Variants in TEX11 observed in about 807,000 individuals in gnomAD.
TEX11 encodes the protein testis-expressed protein 11.
Under a neutral mutation model 84.4 loss-of-function variants are expected in TEX11, and 7 were observed. That is an observed-to-expected ratio of 0.08 (90% confidence interval 0.05 to 0.16). The LOEUF (loss-of-function observed/expected upper bound fraction) is 0.16, where lower values mean the gene tolerates loss of function less well. TEX11 is among the 10% of genes least tolerant of loss of function. The probability of loss-of-function intolerance (pLI) is 1.00; values close to 1 mark genes in which losing one functional copy is unlikely to be tolerated. For synonymous variants in TEX11, 264 were observed against 222.8 expected (o/e 1.18, Z -1.64); for missense variants, 551 against 660.5 (o/e 0.83, Z 1.82).
At chrX:70,590,314 A>G (rs1486440694) in intron 25 of TEX11, among the ~76,000 whole-genome samples, 1 of 111,819 alleles carries the variant, frequency 8.9e-6, no homozygotes, top group East Asian at 2.8e-4. Flanking sequence ...CTATAATTTG[A>G]TACTCAAACT....
chrX:70,849,737 A>T (rs1003721496), intron 7 of TEX11, among the ~76,000 whole-genome samples: 1 of 112,163 alleles, frequency 8.9e-6, no homozygotes, highest in Non-Finnish European at 1.9e-5. Context: ...CCTTCACCAC[A>T]ACTTCTGAAG....
At chrX:70,722,727 A>G (rs773734018) in intron 12 of TEX11, 31 bp from the exon 13 acceptor site, 2 of 1,077,845 alleles carry the variant, frequency 1.9e-6, no homozygotes, top group Admixed American at 4.6e-5. Flanking sequence ...AATAATTATC[A>G]GTTTAATTTT....
intron 24 of TEX11, 62 bp downstream of exon 24, chrX:70,605,339 G>T: frequency 1.4e-6 from 1 of 736,293 alleles, no homozygotes; most frequent in Non-Finnish European, 2.1e-6. Context: ...CTGCATCAGG[G>T]AAGGCAAACA....
chrX:70,842,871 C>G (rs1389305802), intron 7 of TEX11, among the ~76,000 whole-genome samples: 1 of 111,451 alleles, frequency 9.0e-6, no homozygotes, highest in Admixed American at 9.6e-5. Flanking sequence ...AGTGAACTCC[C>G]ATTCACAATT....
intron 24 of TEX11, among the ~76,000 whole-genome samples, chrX:70,599,847 A>G (rs2089070101): frequency 9.3e-6 from 1 of 107,257 alleles, no homozygotes; most frequent in Non-Finnish European, 1.9e-5. Context: ...AAGGACATGA[A>G]CTCATCATTT....
chrX:70,513,786 G>A, the TEX11 span, among the ~76,000 whole-genome samples: 2 of 108,664 alleles, frequency 1.8e-5, 1 homozygote, highest in African/African-American at 6.8e-5. Flanking sequence ...TTTACCGAGA[G>A]CCGTGTTGAT....
intron 3 of TEX11, among the ~76,000 whole-genome samples, chrX:70,876,842 T>C (rs61263512): frequency 0.2 from 22,379 of 110,213 alleles, 3,109 homozygotes; most frequent in African/African-American, 0.45. Flanking sequence ...CACTTGAGCC[T>C]AGGAGGTCGA....
chrX:70,772,504 G>A (rs1366097897), intron 9 of TEX11, among the ~76,000 whole-genome samples: 1 of 111,120 alleles, frequency 9.0e-6, no homozygotes, highest in Non-Finnish European at 1.9e-5. Context: ...GGGCCTAGGA[G>A]GTTGAGGCTG....
intron 7 of TEX11, among the ~76,000 whole-genome samples, chrX:70,838,161 G>A (rs1156263411): frequency 8.9e-6 from 1 of 111,999 alleles, no homozygotes; most frequent in Non-Finnish European, 1.9e-5. Context: ...GCTCACACCT[G>A]CAATCCCAGT....
intron 25 of TEX11, among the ~76,000 whole-genome samples, chrX:70,556,911 C>T (rs1477571224): frequency 9.1e-6 from 1 of 109,741 alleles, no homozygotes; most frequent in Non-Finnish European, 1.9e-5. Context: ...CAGTAAAATG[C>T]CATTATAACT....
chrX:70,855,986 A>G (rs1305298379), intron 5 of TEX11, among the ~76,000 whole-genome samples: 1 of 111,658 alleles, frequency 9.0e-6, no homozygotes, highest in Non-Finnish European at 1.9e-5. Flanking sequence ...TGGCAGCCCT[A>G]GCAAACCAAT....
intron 9 of TEX11, among the ~76,000 whole-genome samples, chrX:70,776,763 G>C (rs922600808): frequency 9.1e-6 from 1 of 110,448 alleles, no homozygotes; most frequent in Non-Finnish European, 1.9e-5. Flanking sequence ...AAAGGTGTGT[G>C]GGTGGGAGAG....
intron 27 of TEX11, among the ~76,000 whole-genome samples, chrX:70,552,477 G>T (rs988514106): frequency 1.4e-4 from 16 of 110,659 alleles, no homozygotes; most frequent in African/African-American, 5.3e-4. Flanking sequence ...TCTTTTTTTA[G>T]TTTCCTGCAC....
At chrX:70,792,357 TACAC>T (rs1322868836) in intron 9 of TEX11, among the ~76,000 whole-genome samples, 1,384 of 8,686 alleles carry the variant, frequency 0.16, 223 homozygotes, top group East Asian at 0.33. Context: ...TATATATATA[TACAC>T]ACACAAATAT....
At chrX:70,644,873 GTAAC>G (rs2089720438) in intron 17 of TEX11, among the ~76,000 whole-genome samples, 1 of 104,402 alleles carries the variant, frequency 9.6e-6, no homozygotes, top group Non-Finnish European at 2.0e-5. Flanking sequence ...GTATACATAT[GTAAC>G]TAACCTGCAC....
At chrX:70,565,176 A>G (rs1377391764) in intron 25 of TEX11, among the ~76,000 whole-genome samples, 4 of 110,439 alleles carry the variant, frequency 3.6e-5, no homozygotes, top group African/African-American at 1.3e-4. Context: ...CATTTTTTCA[A>G]TGTGTTTATT....
chrX:70,778,485 C>T (rs897076523), intron 9 of TEX11, among the ~76,000 whole-genome samples: 1 of 111,134 alleles, frequency 9.0e-6, no homozygotes, highest in Non-Finnish European at 1.9e-5. Context: ...AACAGGGCCT[C>T]ACTCTGTTAC....
chrX:70,719,173 GT>G (rs748600433), intron 13 of TEX11, among the ~76,000 whole-genome samples: 2 of 111,783 alleles, frequency 1.8e-5, no homozygotes, highest in East Asian at 5.6e-4. Flanking sequence ...TACATATATT[GT>G]TATTATATAC....
intron 25 of TEX11, among the ~76,000 whole-genome samples, chrX:70,575,985 C>T (rs1435849836): frequency 9.0e-6 from 1 of 111,672 alleles, no homozygotes; most frequent in Non-Finnish European, 1.9e-5. Flanking sequence ...TGTTTCTGAC[C>T]TTTCTTTGCT....
Sources: allele counts gnomAD v4.1 joint callset (sites outside exome capture counted in the v4.1 genomes callset), GRCh38; gene constraint gnomAD v4.1.1; transcripts MANE v1.5; gene names NCBI Gene and HGNC (gene_info 2026-07-23, HGNC 2026-07-21).